SLC1A2: variants seen among roughly 807,000 people sequenced by gnomAD.
SLC1A2 encodes the protein excitatory amino acid transporter 2.
SLC1A2 carries 15 observed loss-of-function variants against 48.8 expected under a neutral mutation model. The ratio of observed to expected loss-of-function variants is 0.31; its 90% CI spans 0.21 to 0.47. The LOEUF (loss-of-function observed/expected upper bound fraction) is 0.47. Among genes scored for constraint, SLC1A2 ranks in the 20% least tolerant of loss-of-function variants. The pLI is 0.99. For synonymous variants in SLC1A2, 279 were observed against 272.6 expected (o/e 1.02, Z -0.23); for missense variants, 502 against 730.5 (o/e 0.69, Z 3.61).
intron 9 of SLC1A2, among the ~76,000 whole-genome samples, chr11:35,275,069 C>T (rs1850398481): frequency 6.6e-6 from 1 of 152,200 alleles, no homozygotes; most frequent in South Asian, 2.1e-4. Context: ...AATGTCAATT[C>T]TCCAGCCCCA....
chr11:35,366,692 T>C (rs10836380), intron 1 of SLC1A2, among the ~76,000 whole-genome samples: 113,983 of 152,028 alleles, frequency 0.75, 43,033 homozygotes, highest in East Asian at 0.95. Context: ...GAAGCCGTGT[T>C]GTAAAATCTG....
At chr11:35,292,025 A>G (rs575252518) in intron 7 of SLC1A2, 1 of 438,326 alleles carries the variant, frequency 2.3e-6, no homozygotes, top group African/African-American at 2.0e-5. Context: ...GCATGCAAAC[A>G]AATAGCATGC....
chr11:35,294,492 C>T (rs1851110055), intron 6 of SLC1A2, among the ~76,000 whole-genome samples: 1 of 152,106 alleles, frequency 6.6e-6, no homozygotes, highest in Non-Finnish European at 1.5e-5. Flanking sequence ...TCTCAGGGAC[C>T]AGCACTTCAT....
At chr11:35,267,864 G>A (rs1365412801) in intron 9 of SLC1A2, among the ~76,000 whole-genome samples, 2 of 151,866 alleles carry the variant, frequency 1.3e-5, no homozygotes, top group African/African-American at 4.8e-5. Context: ...TATCTCCACA[G>A]GTAGCTACTC....
intron 1 of SLC1A2, among the ~76,000 whole-genome samples, chr11:35,414,966 G>A (rs1855566029): frequency 6.6e-6 from 1 of 152,216 alleles, no homozygotes; most frequent in Non-Finnish European, 1.5e-5. Flanking sequence ...TCAGGGCATT[G>A]TGTGACACAG....
chr11:35,381,335 C>T (rs1413268002), intron 1 of SLC1A2, among the ~76,000 whole-genome samples: 4 of 152,268 alleles, frequency 2.6e-5, no homozygotes, highest in East Asian at 3.9e-4. Flanking sequence ...CTTTCCATTG[C>T]TGAAATCATT....
At chr11:35,344,327 C>T (rs1852950836) in intron 1 of SLC1A2, among the ~76,000 whole-genome samples, 1 of 152,162 alleles carries the variant, frequency 6.6e-6, no homozygotes, top group South Asian at 2.1e-4. Context: ...TGACATTTAA[C>T]CAGTGACTTG....
intron 2 of SLC1A2, 100 bp downstream of exon 2, chr11:35,317,277 C>G: frequency 7.2e-7 from 1 of 1,382,688 alleles, no homozygotes; most frequent in Non-Finnish European, 9.9e-7. Flanking sequence ...ACGTGGCTTC[C>G]TTTCTGGTGG....
intron 1 of SLC1A2, among the ~76,000 whole-genome samples, chr11:35,402,164 C>T (rs771242188): frequency 2.0e-5 from 3 of 152,054 alleles, no homozygotes; most frequent in Non-Finnish European, 4.4e-5. Context: ...CTTTGGTGTG[C>T]GAATGAGATG....
intron 1 of SLC1A2, among the ~76,000 whole-genome samples, chr11:35,398,908 T>C (rs1855056039): frequency 6.6e-6 from 1 of 152,222 alleles, no homozygotes; most frequent in Admixed American, 6.5e-5. Context: ...CTCCACTCCA[T>C]TTACTCAGCT....
At position 35,419,113 on chromosome 11, in the gene SLC1A2, C is replaced by T; in HGVS notation, c.-147G>A. 1 of 585,090 alleles carries T rather than the reference C, an allele frequency of 1.7e-6. No individual in the cohort carries two copies. The highest frequency in any genetic ancestry group is 2.9e-6 in the Non-Finnish European group (1 of 348,876). The allele number at this position is 585,090 out of a possible 1,614,324, so 36.2% of individuals were successfully genotyped here. On this transcript the variant is annotated 5_prime_UTR_variant, in exon 1 of 11. Coordinates refer to ENST00000278379, the MANE Select transcript of SLC1A2 (RefSeq NM_004171.4). This position sits in a 1 kb window ranked among gnomAD's most constrained non-coding sequence, Gnocchi z 5.4. ...CCCTTCCACCCGCCTCCGGGGTAAG[C>T]CCTTTAGCGCCTCAACGGGCGCAGG...
chr11:35,407,590 A>G (rs2098988703), intron 1 of SLC1A2, among the ~76,000 whole-genome samples: 2 of 152,076 alleles, frequency 1.3e-5, no homozygotes, highest in Admixed American at 6.6e-5. Context: ...CCCATTCTCA[A>G]CCCACACCAA....
At chr11:35,292,089 G>T (rs1399897754) in intron 7 of SLC1A2, 198 bp downstream of exon 7, 3 of 571,752 alleles carry the variant, frequency 5.2e-6, no homozygotes, top group African/African-American at 3.7e-5. Flanking sequence ...TTGCAAACCA[G>T]CAAAAATGTT....
At chr11:35,311,881 AGAGAGAGAGAGGGAGG>A (rs1565233303) in intron 4 of SLC1A2, among the ~76,000 whole-genome samples, 1 of 56,224 alleles carries the variant, frequency 1.8e-5, no homozygotes, top group East Asian at 9.3e-4. Context: ...GGAGAGAGAG[AGAGAGAGAGAGGGAGG>A]GAGAGAGAGA....
chr11:35,384,366 C>A (rs1397828476), intron 1 of SLC1A2, among the ~76,000 whole-genome samples: 1 of 152,146 alleles, frequency 6.6e-6, no homozygotes, highest in Non-Finnish European at 1.5e-5. Context: ...GCAGGTTGCT[C>A]CTGGATTGTC....
chr11:35,418,598 G>A, intron 1 of SLC1A2: 1 of 227,294 alleles, frequency 4.4e-6, no homozygotes, highest in Non-Finnish European at 8.5e-6. Context: ...CCGCGCTCCA[G>A]GCGCTGCTAC....
At chr11:35,382,955 G>C (rs1055234798) in intron 1 of SLC1A2, among the ~76,000 whole-genome samples, 2 of 152,030 alleles carry the variant, frequency 1.3e-5, no homozygotes, top group African/African-American at 4.8e-5. Context: ...CTACCTGCAC[G>C]CTCCAAAAGT....
intron 8 of SLC1A2, 38 bp from the exon 9 acceptor site, chr11:35,281,039 A>T (rs1198060820): frequency 1.3e-6 from 2 of 1,532,718 alleles, no homozygotes; most frequent in Middle Eastern, 1.9e-4. Flanking sequence ...GGAAATGGAA[A>T]GAATCTTAGC....
At position 35,312,371 on chromosome 11, in the gene SLC1A2, T is replaced by C. The variant is rs761065764; in HGVS notation, c.388A>G (p.Ile130Val). The C allele has an allele frequency of 1.1e-4, 174 of 1,614,102 alleles. No individual in the cohort carries two copies. Among genetic ancestry groups the C allele is most frequent in the Non-Finnish European group, 1.4e-4 (170 of 1,179,980 alleles). Residue 130 changes from isoleucine (I) to valine (V), a missense_variant, in exon 4 of 11, where the codon ATT becomes GTT. Physicochemically the swap from Ile to Val is conservative, Grantham distance 29. Coordinates refer to ENST00000278379, the MANE Select transcript of SLC1A2 (RefSeq NM_004171.4). ...AGAATGACCCCCAGTACTGCAGCAA[T>C]GATGGTCGTGGACATGTAATACACC... is the stretch of plus-strand genomic sequence containing the variant. Reference protein sequence around the residue: ...AMVYYMSTTIIAAVLGVILVL... With the variant: ...AMVYYMSTTIVAAVLGVILVL...
Sources: gnomAD v4.1 joint callset for allele counts (sites outside exome capture counted in the v4.1 genomes callset) on GRCh38, gnomAD v4.1.1 for gene constraint, Gnocchi (gnomAD v3.1) non-coding constraint, MANE v1.5 for transcripts, NCBI Gene and HGNC (gene_info 2026-07-23, HGNC 2026-07-21) for gene names.